Variants in CAMSAP2 observed in about 807,000 individuals in gnomAD.
CAMSAP2 encodes the protein calmodulin-regulated spectrin-associated protein 2.
In CAMSAP2, 26 loss-of-function variants were observed where a neutral mutation model predicts 146.1. The observed-to-expected ratio is 0.18, with a 90% CI of 0.13 to 0.25. The LOEUF (loss-of-function observed/expected upper bound fraction) is 0.25. CAMSAP2 is among the 10% of genes least tolerant of loss of function. CAMSAP2 has a pLI of 1.00. For synonymous variants in CAMSAP2, 499 were observed against 596.6 expected, an observed-to-expected ratio of 0.84 and a Z score of 2.38; for missense variants, 1,381 against 1,759.3, an observed-to-expected ratio of 0.78 and a Z score of 3.85.
intron 2 of CAMSAP2, among the ~76,000 whole-genome samples, chr1:200,802,677 AT>A (rs992800114): frequency 4.6e-5 from 7 of 151,500 alleles, no homozygotes; most frequent in East Asian, 1.9e-4. Flanking sequence ...TCATTTTAGG[AT>A]TTTTTTTTAA....
intron 4 of CAMSAP2, among the ~76,000 whole-genome samples, chr1:200,829,400 A>C (rs1666986338): frequency 6.6e-6 from 1 of 152,108 alleles, no homozygotes; most frequent in African/African-American, 2.4e-5. Flanking sequence ...TTTTTAAAAA[A>C]TTATCTTTTT....
At chr1:200,823,757 C>A (rs1484440896) in intron 4 of CAMSAP2, among the ~76,000 whole-genome samples, 1 of 152,180 alleles carries the variant, frequency 6.6e-6, no homozygotes, top group East Asian at 1.9e-4. Context: ...AAGTGGGTCA[C>A]CACCTCCATC....
chr1:200,768,633 G>C (rs1665025472), intron 2 of CAMSAP2, among the ~76,000 whole-genome samples: 1 of 151,976 alleles, frequency 6.6e-6, no homozygotes, highest in Admixed American at 6.6e-5. Context: ...TTATTAGTAG[G>C]GTTGAGTGGG....
At chr1:200,762,214 C>T (rs1370260881) in intron 2 of CAMSAP2, among the ~76,000 whole-genome samples, 4 of 151,802 alleles carry the variant, frequency 2.6e-5, no homozygotes, top group Non-Finnish European at 5.9e-5. Context: ...TGGTTTTTTT[C>T]CTTCTTTAAA....
rs775277291 is a variant in CAMSAP2 at position 200,832,728 on chromosome 1, G to A, written c.810G>A (p.Met270Ile). 1 of 1,605,546 alleles carries A rather than the reference G, an allele frequency of 6.2e-7. No individual in the cohort carries two copies. Among genetic ancestry groups the A allele is most frequent in the Non-Finnish European group, 8.5e-7 (1 of 1,176,966 alleles). ...AAGATATTTGTTTGAAAGAAACTAT[G>A]TCTTTGGCTGATAGCCTGTATAATC... Reference protein sequence around the residue: ...RLEDICLKETMSLADSLYNLQ... With the variant: ...RLEDICLKETISLADSLYNLQ... Residue 270 changes from methionine (M) to isoleucine (I), a missense_variant, in exon 6 of 17, where the codon ATG becomes ATA. Met to Ile is a conservative substitution (Grantham distance 10, BLOSUM62 1). Transcript: ENST00000358823. This position sits in a 1 kb window ranked among gnomAD's most constrained non-coding sequence, Gnocchi z 4.2.
intron 2 of CAMSAP2, among the ~76,000 whole-genome samples, chr1:200,767,218 T>C (rs542213099): frequency 2.0e-5 from 3 of 152,152 alleles, no homozygotes; most frequent in African/African-American, 7.2e-5. Context: ...TCCTGTAATA[T>C]CAGCTACTTG....
At chr1:200,811,295 T>C (rs2102154469) in intron 3 of CAMSAP2, among the ~76,000 whole-genome samples, 1 of 152,252 alleles carries the variant, frequency 6.6e-6, no homozygotes, top group East Asian at 1.9e-4. Flanking sequence ...TTAGAATCTT[T>C]CCTACACATG....
intron 1 of CAMSAP2, among the ~76,000 whole-genome samples, chr1:200,753,164 G>T (rs1664556132): frequency 6.6e-6 from 1 of 151,812 alleles, no homozygotes; most frequent in South Asian, 2.1e-4. Flanking sequence ...CCAGTTACTT[G>T]GTCCGTGCTT....
intron 1 of CAMSAP2, among the ~76,000 whole-genome samples, chr1:200,755,599 GT>G (rs1188132589): frequency 1.3e-5 from 2 of 152,196 alleles, no homozygotes; most frequent in Non-Finnish European, 2.9e-5. Context: ...CACTTACCAT[GT>G]TAGGTAATAA....
chr1:200,828,905 C>T (rs1666972088), intron 4 of CAMSAP2, among the ~76,000 whole-genome samples: 1 of 151,242 alleles, frequency 6.6e-6, no homozygotes, highest in Non-Finnish European at 1.5e-5. Context: ...CACCTGTAAT[C>T]CCAGCACTTT....
chr1:200,767,660 G>A (rs530289327), intron 2 of CAMSAP2, among the ~76,000 whole-genome samples: 1 of 152,140 alleles, frequency 6.6e-6, no homozygotes, highest in South Asian at 2.1e-4. Flanking sequence ...TAGGTGAGAA[G>A]ACATTAATTT....
chr1:200,769,587 C>T (rs1488248674), intron 2 of CAMSAP2, among the ~76,000 whole-genome samples: 1 of 152,180 alleles, frequency 6.6e-6, no homozygotes, highest in Non-Finnish European at 1.5e-5. Flanking sequence ...GTTCCCATGA[C>T]CCCCTCTTTG....
chr1:200,743,175 C>T (rs1183491762), intron 1 of CAMSAP2, among the ~76,000 whole-genome samples: 1 of 152,136 alleles, frequency 6.6e-6, no homozygotes, highest in Non-Finnish European at 1.5e-5. Flanking sequence ...TTTAAATGTT[C>T]TGTTCTCTTA....
At chr1:200,810,104 A>T (rs1666289659) in intron 3 of CAMSAP2, among the ~76,000 whole-genome samples, 1 of 152,182 alleles carries the variant, frequency 6.6e-6, no homozygotes, top group Non-Finnish European at 1.5e-5. Flanking sequence ...TATTCAAACC[A>T]TAGAACCTGG....
chr1:200,767,196 A>G (rs992773752), intron 2 of CAMSAP2, among the ~76,000 whole-genome samples: 1 of 152,030 alleles, frequency 6.6e-6, no homozygotes, highest in African/African-American at 2.4e-5. Flanking sequence ...TTAGCTGGGC[A>G]TGGTGGCGCA....
Position 200,832,911 on chromosome 1 carries a change from A to AC in CAMSAP2, c.927+66_927+67insC. On this transcript the variant is annotated intron_variant, in intron 6 of 16. Transcript: ENST00000358823. The surrounding 1 kb of genome is among the most constrained non-coding windows in gnomAD (Gnocchi z 4.2). ...ATATGTTTTTTTAAAAAACAAACAA[A>AC]AACACCGGGAACAGTGGCTCATGCC... 1.4e-6 allele frequency: 2 copies of AC among 1,396,180 alleles called. No homozygotes were observed. The highest frequency in any genetic ancestry group is 1.9e-6 in the Non-Finnish European group (2 of 1,032,496). 86.5% of individuals were successfully genotyped at this position (1,396,180 alleles called of 1,614,324 possible). A position where few individuals can be genotyped will look rare whatever the true frequency, so the allele number is the denominator to read the frequency against.
rs1666967418 is a variant in CAMSAP2 at position 200,828,714 on chromosome 1, A to G, written c.646-3486A>G. 6 of 1,035,006 alleles carry G rather than the reference A, an allele frequency of 5.8e-6. No homozygotes were observed. In the East Asian group the frequency reaches 1.6e-4, roughly 28 times the overall value. 64.1% of individuals were successfully genotyped at this position (1,035,006 alleles called of 1,614,324 possible). A position where few individuals can be genotyped will look rare whatever the true frequency, so the allele number is the denominator to read the frequency against. On this transcript the variant is annotated intron_variant, in intron 4 of 16. Coordinates refer to ENST00000358823, the MANE Select transcript of CAMSAP2 (RefSeq NM_203459.4). ...TTCATGTAATTCTGTTAGTCATTGAATAGAGATTGGATTTTAAGGTCATGT... is the reference window on the plus strand; with the variant it reads ...TTCATGTAATTCTGTTAGTCATTGAGTAGAGATTGGATTTTAAGGTCATGT...
rs1252623058 is a variant in CAMSAP2 at position 200,817,066 on chromosome 1, GTA to G, written c.645+1428_645+1429del. The stretch of plus-strand genomic sequence containing the variant: ...CACACGTGTATGTGTATACACACAC[GTA>G]TATATGTGTATACACACACACGTAT... On this transcript the variant is annotated intron_variant, in intron 4 of 16. Transcript: ENST00000358823. Among the ~76,000 whole-genome samples the G allele has an allele frequency of 5.6e-4, 76 of 136,170 alleles. 1 individual carries two copies. Among genetic ancestry groups the G allele is most frequent in the African/African-American group, 1.7e-3 (64 of 37,518 alleles). The allele number at this position is 136,170 out of a possible 152,430, so 89.3% of individuals were successfully genotyped here.
At chr1:200,796,203 C>T (rs970556973) in intron 2 of CAMSAP2, among the ~76,000 whole-genome samples, 5 of 152,052 alleles carry the variant, frequency 3.3e-5, no homozygotes, top group Admixed American at 2.6e-4. Flanking sequence ...ACAACAATGC[C>T]ATAATCCTCT....
Sources: gnomAD v4.1 joint callset for allele counts (sites outside exome capture counted in the v4.1 genomes callset) on GRCh38, gnomAD v4.1.1 for gene constraint, Gnocchi (gnomAD v3.1) non-coding constraint, MANE v1.5 for transcripts, NCBI Gene and HGNC (gene_info 2026-07-23, HGNC 2026-07-21) for gene names.